Variants in ZSCAN4 observed in about 807,000 individuals in gnomAD.
The protein encoded by ZSCAN4 is zinc finger and SCAN domain containing 4, also known as zinc finger and SCAN domain-containing protein 4.
ZSCAN4 carries 18 observed loss-of-function variants against 18.3 expected under a neutral mutation model. The observed-to-expected ratio is 0.98, with a 90% confidence interval of 0.68 to 1.46. The LOEUF is 1.46. Among genes scored for constraint, ZSCAN4 ranks in the 40% most tolerant of loss-of-function variants. The probability of loss-of-function intolerance (pLI) is 0.00; values close to 1 mark genes in which losing one functional copy is unlikely to be tolerated. For missense variants in ZSCAN4, 498 were observed against 511.4 expected, an observed-to-expected ratio of 0.97 and a Z score of 0.25; for synonymous variants, 193 against 180.3, an observed-to-expected ratio of 1.07 and a Z score of -0.57.
intron 2 of ZSCAN4, among the ~76,000 whole-genome samples, chr19:57,673,038 A>AT (rs1984070170): frequency 6.6e-6 from 1 of 151,898 alleles, no homozygotes; most frequent in African/African-American, 2.4e-5. Flanking sequence ...GTGACATTTA[A>AT]TTAATTAATT....
At chr19:57,655,759 G>C in the ZSCAN4 span, among the ~76,000 whole-genome samples, 7 of 151,942 alleles carry the variant, frequency 4.6e-5, no homozygotes, top group Admixed American at 2.6e-4. Flanking sequence ...TCTGAACTCT[G>C]TCACTCCTGC....
chr19:57,660,181 A>C, the ZSCAN4 span, among the ~76,000 whole-genome samples: 1 of 152,246 alleles, frequency 6.6e-6, no homozygotes, highest in Admixed American at 6.5e-5. Flanking sequence ...GATGGAAACT[A>C]TCTCAGAAAA....
intron 3 of ZSCAN4, among the ~76,000 whole-genome samples, chr19:57,677,021 G>T (rs1376673871): frequency 6.6e-6 from 1 of 152,072 alleles, no homozygotes; most frequent in African/African-American, 2.4e-5. Flanking sequence ...CAAGTGATCC[G>T]CCTGCCTTGG....
the ZSCAN4 span, among the ~76,000 whole-genome samples, chr19:57,654,387 GT>G: frequency 1.3e-5 from 2 of 151,882 alleles, no homozygotes; most frequent in Admixed American, 1.3e-4. Context: ...CAACCCCAAG[GT>G]TTGCGATGTT....
chr19:57,653,390 G>GAAAA, the ZSCAN4 span, among the ~76,000 whole-genome samples: 10,974 of 76,170 alleles, frequency 0.14, 1,613 homozygotes, highest in African/African-American at 0.36. Flanking sequence ...CCATCTCAAA[G>GAAAA]AAAAAAAAAA....
chr19:57,654,016 A>G, the ZSCAN4 span, among the ~76,000 whole-genome samples: 1 of 152,188 alleles, frequency 6.6e-6, no homozygotes. Flanking sequence ...GCAGGGTAAC[A>G]CTGTCAGTCT....
rs768693036 is a variant in ZSCAN4, at chr19:57,678,520, A to T, written c.917A>T (p.His306Leu). The T allele has an allele frequency of 6.8e-5, 110 of 1,614,070 alleles. 1 individual carries two copies. The South Asian group carries it at 1.2e-3, about 17-fold the overall frequency. ...TGTGAGGTACATCAGAAAGGATCCC[A>T]TGGAGTCCAAAAATCATACAAATGT... The change falls in exon 5 of 5, where the codon CAT becomes CTT. Residue 306 changes from histidine to leucine, a missense_variant. By Grantham distance (99) the His-to-Leu change is moderately conservative. Coordinates refer to ENST00000318203, the Ensembl canonical transcript of ZSCAN4.
exon 5 of ZSCAN4, chr19:57,678,586 T>C: frequency 1.2e-6 from 2 of 1,614,092 alleles, no homozygotes; most frequent in Middle Eastern, 3.3e-4. Flanking sequence ...TGTCACTTAT[T>C]AGCTCACCAG....
At chr19:57,676,233 G>A (rs528877759) in exon 3 of ZSCAN4, 5 of 1,614,052 alleles carry the variant, frequency 3.1e-6, no homozygotes, top group Admixed American at 3.3e-5. Flanking sequence ...ACAAAGCCAA[G>A]GACCTGCTGT....
intron 3 of ZSCAN4, 113 bp from the exon 4 acceptor site, chr19:57,677,801 G>T: frequency 1.1e-6 from 1 of 946,692 alleles, no homozygotes; most frequent in Non-Finnish European, 1.5e-6. Context: ...GACAAAATAT[G>T]TGATAGCCAA....
chr19:57,669,576 G>A (rs896682137), intron 1 of ZSCAN4, among the ~76,000 whole-genome samples: 4 of 151,810 alleles, frequency 2.6e-5, no homozygotes, highest in African/African-American at 4.8e-5. Flanking sequence ...ACAGGCACGC[G>A]CCACTACGCC....
the ZSCAN4 span, among the ~76,000 whole-genome samples, chr19:57,654,887 G>A: frequency 6.6e-6 from 1 of 152,244 alleles, no homozygotes; most frequent in African/African-American, 2.4e-5. Flanking sequence ...ATTTGGACAG[G>A]CCCTCACCAG....
the ZSCAN4 span, among the ~76,000 whole-genome samples, chr19:57,652,114 C>T: frequency 2.0e-5 from 3 of 152,146 alleles, no homozygotes; most frequent in Admixed American, 6.5e-5. Context: ...ACCCCACACA[C>T]CTATCTCACC....
the ZSCAN4 span, among the ~76,000 whole-genome samples, chr19:57,656,457 C>A: frequency 1.3e-5 from 2 of 152,218 alleles, no homozygotes; most frequent in African/African-American, 4.8e-5. Context: ...TTACCACATA[C>A]CCCAGTTTTT....
chr19:57,656,729 C>T, the ZSCAN4 span, among the ~76,000 whole-genome samples: 10 of 152,194 alleles, frequency 6.6e-5, no homozygotes, highest in South Asian at 4.1e-4. Context: ...ATTCAGAATA[C>T]GTAAAACATC....
chr19:57,663,318 A>C, the ZSCAN4 span, among the ~76,000 whole-genome samples: 2 of 151,846 alleles, frequency 1.3e-5, no homozygotes, highest in Non-Finnish European at 2.9e-5. Flanking sequence ...AAGTCCCAAT[A>C]TTTACATTTA....
exon 5 of ZSCAN4, chr19:57,679,009 A>G: frequency 6.1e-6 from 8 of 1,301,224 alleles, no homozygotes; most frequent in Non-Finnish European, 8.1e-6. Context: ...TATGCTTTCA[A>G]TTTATTGTCT....
the ZSCAN4 span, among the ~76,000 whole-genome samples, chr19:57,660,097 G>A: frequency 6.6e-6 from 1 of 152,258 alleles, no homozygotes; most frequent in East Asian, 1.9e-4. Flanking sequence ...CTGTACAGAT[G>A]CCGTCACTCC....
Position 57,676,544 on chromosome 19 carries a change from G to T in ZSCAN4, c.396+3G>T. 6.2e-7 allele frequency: 1 copy of T among 1,610,632 alleles called. No homozygotes were observed. Among genetic ancestry groups the T allele is most frequent in the Non-Finnish European group, 8.5e-7 (1 of 1,178,312 alleles). ...ACAGCATAAATCCACCTGCCTTAGT[G>T]AGTACAGGGTTCTAACTTCTGGGAT... On this transcript the variant is annotated splice_donor_region_variant and intron_variant, in intron 3 of 4. Coordinates refer to ENST00000318203, the Ensembl canonical transcript of ZSCAN4.
Sources: gnomAD v4.1 joint callset for allele counts (sites outside exome capture counted in the v4.1 genomes callset) on GRCh38, gnomAD v4.1.1 for gene constraint, MANE v1.5 for transcripts, NCBI Gene and HGNC (gene_info 2026-07-23, HGNC 2026-07-21) for gene names.